The following WT1 variants were observed in gnomAD, a reference collection of about 807,000 sequenced individuals.
WT1 encodes Wilms tumor protein.
WT1 carries 8 observed loss-of-function variants against 60.8 expected under a neutral mutation model. The observed-to-expected ratio is 0.13, with a 90% CI of 0.08 to 0.24. WT1 has a LOEUF of 0.24. WT1 is among the 10% of genes least tolerant of loss of function. The pLI is 1.00. For missense variants in WT1, 568 were observed against 711.8 expected (o/e 0.80, Z 2.30); for synonymous variants, 312 against 297.1 (o/e 1.05, Z -0.52).
intron 5 of WT1, among the ~76,000 whole-genome samples, chr11:32,402,639 T>A (rs1011389044): frequency 1.3e-5 from 2 of 152,228 alleles, no homozygotes; most frequent in Non-Finnish European, 2.9e-5. Flanking sequence ...TTGAATTCCC[T>A]GGCTCAATTG....
At position 32,399,890 on chromosome 11, in the gene WT1, G is replaced by A. The variant is rs575882942; in HGVS notation, c.1113+58C>T. 23 of 1,580,014 alleles carry A rather than the reference G, an allele frequency of 1.5e-5. No homozygotes were observed. In the East Asian group the frequency reaches 2.5e-4, roughly 17 times the overall value. On this transcript the variant is annotated intron_variant, in intron 6 of 9. Coordinates refer to ENST00000452863, the MANE Select transcript of WT1 (RefSeq NM_024426.6). ...TCCATCAGTAAGGAACTAAAGGGCCGGTAAGTAGGAAGAGGCAGTGCGGCC... is the reference window on the plus strand; with the variant it reads ...TCCATCAGTAAGGAACTAAAGGGCCAGTAAGTAGGAAGAGGCAGTGCGGCC...
At position 32,396,319 on chromosome 11, in the gene WT1, G is replaced by A. The variant is rs1060501258; in HGVS notation, c.1202C>T (p.Pro401Leu). The change falls in exon 7 of 10, where the codon CCA (proline) becomes CTA (leucine). Residue 401 changes from proline (P) to leucine (L), a missense_variant. Pro to Leu is a moderately conservative substitution (Grantham distance 98, BLOSUM62 -3). This residue lies in a region of WT1 where 523 missense variants were observed against 565.1 expected (regional missense o/e 0.93). Transcript: ENST00000452863. The stretch of plus-strand genomic sequence containing the variant: ...CTTAAAATATCTCTTATTGCAGCCT[G>A]GGTAAGCACACATGAAGGGGCGTTT... The A allele has an allele frequency of 3.7e-6, 6 of 1,614,084 alleles. No homozygotes were observed. The highest frequency in any genetic ancestry group is 5.1e-6 in the Non-Finnish European group (6 of 1,180,054).
intron 3 of WT1, among the ~76,000 whole-genome samples, chr11:32,423,823 G>A (rs547564066): frequency 6.6e-6 from 1 of 152,324 alleles, no homozygotes; most frequent in East Asian, 1.9e-4. Flanking sequence ...GGTACCTGGT[G>A]CATGTTAAGT....
chr11:32,390,532 A>G (rs929172907), intron 9 of WT1, among the ~76,000 whole-genome samples: 4 of 152,190 alleles, frequency 2.6e-5, no homozygotes, highest in African/African-American at 9.7e-5. Context: ...CTCTGTTTTT[A>G]AATGCAGCCA....
chr11:32,403,572 CTTT>C (rs398055138), intron 5 of WT1, among the ~76,000 whole-genome samples: 8,093 of 128,620 alleles, frequency 0.063, 229 homozygotes, highest in South Asian at 0.11. Context: ...ATGAATATTA[CTTT>C]TTTTTTTTTT....
intron 2 of WT1, 45 bp from the exon 3 acceptor site, chr11:32,428,103 C>A: frequency 6.5e-7 from 1 of 1,534,726 alleles, no homozygotes; most frequent in Non-Finnish European, 8.8e-7. Flanking sequence ...GCCCCAAGGG[C>A]TCGGGGTGCG....
At chr11:32,429,564 A>C (rs1853199066) in intron 1 of WT1, among the ~76,000 whole-genome samples, 1 of 150,450 alleles carries the variant, frequency 6.6e-6, no homozygotes, top group African/African-American at 2.4e-5. Context: ...TATACCCCAC[A>C]AGCTTCTGGA....
At chr11:32,402,909 C>T (rs1667189299) in intron 5 of WT1, among the ~76,000 whole-genome samples, 1 of 152,104 alleles carries the variant, frequency 6.6e-6, no homozygotes, top group African/African-American at 2.4e-5. Flanking sequence ...AAAGTTCTGC[C>T]ATCGAAGGGT....
intron 5 of WT1, among the ~76,000 whole-genome samples, chr11:32,403,448 A>G (rs1182409491): frequency 2.6e-5 from 4 of 152,166 alleles, no homozygotes; most frequent in Admixed American, 6.5e-5. Context: ...TATGCCCAAC[A>G]GTTGATCAAC....
At chr11:32,421,120 G>A (rs1214054702) in intron 3 of WT1, among the ~76,000 whole-genome samples, 1 of 152,202 alleles carries the variant, frequency 6.6e-6, no homozygotes, top group Non-Finnish European at 1.5e-5. Flanking sequence ...GGCTGCTGGG[G>A]AGGGGACAAA....
chr11:32,399,889 C>G (rs962126574), intron 6 of WT1, 59 bp downstream of exon 6: 24 of 1,578,032 alleles, frequency 1.5e-5, no homozygotes, highest in Admixed American at 1.0e-4. Context: ...ACTAAAGGGC[C>G]GGTAAGTAGG....
chr11:32,405,531 T>TATAAATATATACAGAATATATACTTATAC (rs1852281636), intron 5 of WT1, among the ~76,000 whole-genome samples: 4 of 149,140 alleles, frequency 2.7e-5, no homozygotes, highest in Admixed American at 6.7e-5. Context: ...ATGTTGAATA[T>TATAAATATATACAGAATATATACTTATAC]ATAAATATAT....
chr11:32,417,717 C>T, intron 3 of WT1, 63 bp from the exon 4 acceptor site: 1 of 1,420,996 alleles, frequency 7.0e-7, no homozygotes, highest in South Asian at 1.2e-5. Context: ...ACTGTTTCTT[C>T]AAAAGCAATG....
intron 7 of WT1, among the ~76,000 whole-genome samples, chr11:32,394,466 G>C (rs1054344418): frequency 1.3e-5 from 2 of 152,100 alleles, no homozygotes; most frequent in Non-Finnish European, 2.9e-5. Flanking sequence ...TACTCTCTCA[G>C]TCACTTTTCA....
At chr11:32,423,094 T>C (rs546789689) in intron 3 of WT1, among the ~76,000 whole-genome samples, 1 of 152,330 alleles carries the variant, frequency 6.6e-6, no homozygotes, top group South Asian at 2.1e-4. Context: ...AAGGCCCAGC[T>C]AGCTGCCTTT....
chr11:32,431,928 C>A (rs1853326273), intron 1 of WT1, among the ~76,000 whole-genome samples: 1 of 152,088 alleles, frequency 6.6e-6, no homozygotes, highest in African/African-American at 2.4e-5. Context: ...GGGTTCAAAT[C>A]CCACCTCTGC....
intron 3 of WT1, among the ~76,000 whole-genome samples, chr11:32,421,809 T>A (rs1768294267): frequency 1.3e-5 from 2 of 152,208 alleles, no homozygotes; most frequent in African/African-American, 4.8e-5. Context: ...CATCTTTAAG[T>A]CTGTTTATTA....
At chr11:32,401,626 C>T (rs569575039) in intron 5 of WT1, among the ~76,000 whole-genome samples, 5 of 152,066 alleles carry the variant, frequency 3.3e-5, no homozygotes, top group Admixed American at 6.5e-5. Flanking sequence ...CTGCAACCAC[C>T]GCCCCTGGGT....
At chr11:32,393,179 T>A (rs1851867548) in intron 7 of WT1, among the ~76,000 whole-genome samples, 1 of 152,248 alleles carries the variant, frequency 6.6e-6, no homozygotes, top group African/African-American at 2.4e-5. Flanking sequence ...CTGGGATGCA[T>A]GTGCCTTGAG....
Sources: gnomAD v4.1 joint callset for allele counts (sites outside exome capture counted in the v4.1 genomes callset) on GRCh38, gnomAD v4.1.1 for gene constraint, gnomAD v4.1.1 regional missense constraint, MANE v1.5 for transcripts, NCBI Gene and HGNC (gene_info 2026-07-23, HGNC 2026-07-21) for gene names.